Variants in ASTN2 observed in about 807,000 individuals in gnomAD.
The protein encoded by ASTN2 is astrotactin-2.
In ASTN2, 54 loss-of-function variants were observed where a neutral mutation model predicts 139.8. The observed-to-expected ratio is 0.39, with a 90% CI of 0.31 to 0.48. ASTN2 has a LOEUF of 0.48. Among genes scored for constraint, ASTN2 ranks in the 20% least tolerant of loss-of-function variants. The pLI is 0.95. For synonymous variants in ASTN2, 756 were observed against 719.5 expected (o/e 1.05, Z -0.81); for missense variants, 1,565 against 1,725.1 (o/e 0.91, Z 1.64).
At chr9:117,304,627 T>C (rs1383827707) in intron 1 of ASTN2, among the ~76,000 whole-genome samples, 3 of 152,158 alleles carry the variant, frequency 2.0e-5, no homozygotes, top group African/African-American at 7.2e-5. Context: ...GCTTCAGGAG[T>C]GTAGTCTGCC....
chr9:116,553,072 G>A (rs1049546352), intron 19 of ASTN2, among the ~76,000 whole-genome samples: 2 of 152,142 alleles, frequency 1.3e-5, no homozygotes, highest in Non-Finnish European at 2.9e-5. Flanking sequence ...TATCTTAAAA[G>A]ATGTCTGAGT....
chr9:117,351,470 T>A (rs952095802), intron 1 of ASTN2, among the ~76,000 whole-genome samples: 2 of 152,202 alleles, frequency 1.3e-5, no homozygotes, highest in African/African-American at 2.4e-5. Flanking sequence ...TAAGCTGCCT[T>A]TACTTGAGTC....
At chr9:117,389,541 T>G (rs1011879431) in intron 1 of ASTN2, among the ~76,000 whole-genome samples, 2 of 152,180 alleles carry the variant, frequency 1.3e-5, no homozygotes, top group Admixed American at 1.3e-4. Flanking sequence ...AAGTAGGGTA[T>G]GGGCACCCTT....
chr9:117,161,040 C>A (rs1047325754), intron 3 of ASTN2, among the ~76,000 whole-genome samples: 6 of 151,954 alleles, frequency 3.9e-5, no homozygotes, highest in African/African-American at 2.4e-5. Flanking sequence ...TTTGGCAGAT[C>A]TTTTAACCAC....
chr9:116,661,372 G>T (rs947361694), intron 16 of ASTN2, among the ~76,000 whole-genome samples: 1 of 152,122 alleles, frequency 6.6e-6, no homozygotes, highest in Non-Finnish European at 1.5e-5. Context: ...AACAGTAAAA[G>T]CTAGCTATGA....
rs114811719 is a variant in ASTN2 at position 116,807,432 on chromosome 9, C to T, written c.2208-1612G>A. ...CTGTTTCCTTGCTTTCCCCTAATCC[C>T]TGGCGTACTGCACTGATGCACTGAT... On this transcript the variant is annotated intron_variant, in intron 12 of 22. Coordinates refer to ENST00000313400, the MANE Select transcript of ASTN2 (RefSeq NM_001365068.1). Among the ~76,000 whole-genome samples, 4 of 152,304 alleles carry T rather than the reference C, an allele frequency of 2.6e-5. No individual in the cohort carries two copies. In the East Asian group the frequency reaches 7.7e-4, roughly 29 times the overall value.
chr9:117,011,604 T>C (rs918946246), intron 6 of ASTN2, among the ~76,000 whole-genome samples: 1 of 152,242 alleles, frequency 6.6e-6, no homozygotes, highest in Non-Finnish European at 1.5e-5. Flanking sequence ...AAAGATATTA[T>C]GCAGAGTTAT....
chr9:116,973,775 T>C (rs1017961198), intron 10 of ASTN2, among the ~76,000 whole-genome samples: 6 of 152,230 alleles, frequency 3.9e-5, no homozygotes, highest in African/African-American at 7.2e-5. Flanking sequence ...TGTGAATGTG[T>C]GTGTGAAGCT....
chr9:117,272,443 G>A (rs1294582861), intron 2 of ASTN2, among the ~76,000 whole-genome samples: 2 of 152,190 alleles, frequency 1.3e-5, no homozygotes, highest in African/African-American at 4.8e-5. Context: ...CCATGGTCTT[G>A]GGGATTAACA....
intron 10 of ASTN2, among the ~76,000 whole-genome samples, chr9:116,894,438 A>C (rs1833836133): frequency 6.6e-6 from 1 of 152,210 alleles, no homozygotes; most frequent in South Asian, 2.1e-4. Flanking sequence ...ATGATTTGTA[A>C]TTCTGAGAAA....
chr9:116,867,549 CA>C lies in ASTN2; in HGVS notation c.1890-3817del, dbSNP rs58222492. On this transcript the variant is annotated intron_variant, in intron 10 of 22. Transcript: ENST00000313400. ...TGGGCGACAGAGCGAGACTCTGTCT[CA>C]AAAAAAAAAAAAAAAAAAAAAAGGA... Among the ~76,000 whole-genome samples, 661 of 78,298 alleles carry C rather than the reference CA, an allele frequency of 8.4e-3. 2 individuals are homozygous for C. The highest frequency in any genetic ancestry group is 0.027 in the African/African-American group (503 of 18,552). The allele number at this position is 78,298 out of a possible 152,430, so 51.4% of individuals were successfully genotyped here. A position where few individuals can be genotyped will look rare whatever the true frequency, so the allele number is the denominator to read the frequency against.
At chr9:117,052,372 G>A (rs1165942097) in intron 5 of ASTN2, among the ~76,000 whole-genome samples, 2 of 150,736 alleles carry the variant, frequency 1.3e-5, no homozygotes, top group East Asian at 1.9e-4. Flanking sequence ...CCCAGGAGGC[G>A]GAGCTTGCAG....
chr9:117,184,886 G>T (rs536088485), intron 3 of ASTN2, among the ~76,000 whole-genome samples: 2 of 152,290 alleles, frequency 1.3e-5, no homozygotes, highest in South Asian at 2.1e-4. Flanking sequence ...TACTATTTGT[G>T]TCAGGTGGCC....
intron 2 of ASTN2, chr9:117,277,317 C>T (rs889714436): frequency 6.6e-6 from 1 of 152,174 alleles, no homozygotes; most frequent in Non-Finnish European, 1.5e-5. Context: ...GTTCAGGAAA[C>T]TATCTTTTAA....
At chr9:116,973,555 A>G (rs1836268335) in intron 10 of ASTN2, among the ~76,000 whole-genome samples, 1 of 152,214 alleles carries the variant, frequency 6.6e-6, no homozygotes, top group African/African-American at 2.4e-5. Context: ...ACAGGACAGA[A>G]CTATGAGGAA....
chr9:117,386,376 A>G (rs998826986), intron 1 of ASTN2, among the ~76,000 whole-genome samples: 2 of 152,160 alleles, frequency 1.3e-5, no homozygotes, highest in African/African-American at 4.8e-5. Flanking sequence ...AAGACATGCG[A>G]GTCAGGAAGA....
chr9:117,253,108 T>C (rs781658308), intron 2 of ASTN2, among the ~76,000 whole-genome samples: 1 of 152,150 alleles, frequency 6.6e-6, no homozygotes, highest in African/African-American at 2.4e-5. Flanking sequence ...TGGGCAGTCA[T>C]TGGTGGCAAG....
At chr9:117,368,793 C>T (rs1168366732) in intron 1 of ASTN2, among the ~76,000 whole-genome samples, 1 of 151,886 alleles carries the variant, frequency 6.6e-6, no homozygotes, top group African/African-American at 2.4e-5. Flanking sequence ...TATAAAAATC[C>T]CATTATCACA....
intron 19 of ASTN2, among the ~76,000 whole-genome samples, chr9:116,507,282 C>T (rs186929650): frequency 1.2e-4 from 18 of 152,284 alleles, no homozygotes; most frequent in Non-Finnish European, 2.2e-4. Flanking sequence ...ATATTGTCAC[C>T]TGACATCCTC....
Sources: gnomAD v4.1 joint callset for allele counts (sites outside exome capture counted in the v4.1 genomes callset) on GRCh38, gnomAD v4.1.1 for gene constraint, MANE v1.5 for transcripts, NCBI Gene and HGNC (gene_info 2026-07-23, HGNC 2026-07-21) for gene names.